Variants in NOTCH2 observed in about 807,000 individuals in gnomAD.
The protein encoded by NOTCH2 is notch receptor 2, also known as neurogenic locus notch homolog protein 2.
In NOTCH2, 29 loss-of-function variants were observed where a neutral mutation model predicts 235.8. The observed-to-expected ratio is 0.12, with a 90% confidence interval of 0.09 to 0.17. NOTCH2 has a LOEUF of 0.17. NOTCH2 is among the 10% of genes least tolerant of loss of function. The pLI is 1.00. For missense variants in NOTCH2, 2,285 were observed against 3,150.2 expected (o/e 0.73, Z 6.57); for synonymous variants, 1,086 against 1,141.5 (o/e 0.95, Z 0.98).
At chr1:119,985,857 C>T (rs1652000739) in intron 5 of NOTCH2, among the ~76,000 whole-genome samples, 1 of 151,994 alleles carries the variant, frequency 6.6e-6, no homozygotes, top group Admixed American at 6.6e-5. Flanking sequence ...ATCAAGACAC[C>T]ATGAAGAAAT....
At chr1:119,954,615 G>A (rs587642622) in intron 13 of NOTCH2, among the ~76,000 whole-genome samples, 2 of 152,310 alleles carry the variant, frequency 1.3e-5, no homozygotes, top group Admixed American at 1.3e-4. Context: ...AAAGTTGGCT[G>A]AAGCGGCCCT....
intron 22 of NOTCH2, 44 bp downstream of exon 22, chr1:119,935,428 A>G (rs781969368): frequency 2.5e-6 from 4 of 1,614,054 alleles, no homozygotes; most frequent in Non-Finnish European, 2.5e-6. Context: ...TTTATAACTT[A>G]AGACAATGCC....
chr1:119,975,861 C>T (rs1172252104), intron 5 of NOTCH2, among the ~76,000 whole-genome samples: 1 of 152,134 alleles, frequency 6.6e-6, no homozygotes, highest in African/African-American at 2.4e-5. Context: ...AGGCAAGGGC[C>T]CCACCCACAA....
chr1:119,954,988 A>AAGGTCACCAGT, intron 13 of NOTCH2, 52 bp downstream of exon 13: 1 of 1,595,614 alleles, frequency 6.3e-7, no homozygotes, highest in Admixed American at 1.7e-5. Flanking sequence ...ACTACAAGCC[A>AAGGTCACCAGT]ACTGGCTTAA....
chr1:119,948,499 A>G lies in NOTCH2; in HGVS notation c.2667T>C (p.His889=). The G allele has an allele frequency of 6.2e-7, 1 of 1,614,184 alleles. No individual in the cohort carries two copies. The highest frequency in any genetic ancestry group is 8.5e-7 in the Non-Finnish European group (1 of 1,180,022). ...SKPCMNHGLC[H]NTQGSYMCEC... Reference sequence around the variant, plus strand: ...CACACATGTAGCTGCCCTGGGTGTTATGGCAGAGACCATGGTTCATGCAGG... The same window carrying G: ...CACACATGTAGCTGCCCTGGGTGTTGTGGCAGAGACCATGGTTCATGCAGG... Residue 889 remains histidine, a synonymous_variant, in exon 17 of 34, where the codon CAT becomes CAC. Coordinates refer to ENST00000256646, the MANE Select transcript of NOTCH2 (RefSeq NM_024408.4).
At chr1:119,980,678 T>C (rs1245537157) in intron 5 of NOTCH2, among the ~76,000 whole-genome samples, 1 of 152,220 alleles carries the variant, frequency 6.6e-6, no homozygotes, top group Non-Finnish European at 1.5e-5. Context: ...CAGTTATTAA[T>C]AACCATGGTT....
At chr1:119,928,573 T>C (rs1220648292) in intron 23 of NOTCH2, among the ~76,000 whole-genome samples, 5 of 152,204 alleles carry the variant, frequency 3.3e-5, no homozygotes, top group African/African-American at 4.8e-5. Context: ...GGGGTGATAG[T>C]AGAACAACAA....
At chr1:119,956,850 A>G (rs1441676396) in intron 12 of NOTCH2, among the ~76,000 whole-genome samples, 1 of 152,176 alleles carries the variant, frequency 6.6e-6, no homozygotes, top group Non-Finnish European at 1.5e-5. Context: ...GCAGTCCACT[A>G]TGTTGATTGA....
rs1649560145 is a variant in NOTCH2, at chr1:119,928,880, A to G, written c.3892+96T>C. 5.9e-6 allele frequency: 6 copies of G among 1,018,582 alleles called. No individual in the cohort carries two copies. The South Asian group carries it at 7.7e-5, about 13-fold the overall frequency. 63.1% of individuals were successfully genotyped at this position (1,018,582 alleles called of 1,614,324 possible). A position where few individuals can be genotyped will look rare whatever the true frequency, so the allele number is the denominator to read the frequency against. ...GCTGTTGTTTTTCTTATATAAGAAA[A>G]GCTTCACTTGGGTCTGGGACAACTC... On this transcript the variant is annotated intron_variant, in intron 23 of 33. Coordinates refer to ENST00000256646, the MANE Select transcript of NOTCH2 (RefSeq NM_024408.4).
intron 5 of NOTCH2, among the ~76,000 whole-genome samples, chr1:119,985,052 C>G (rs1028537167): frequency 6.6e-6 from 1 of 152,078 alleles, no homozygotes; most frequent in South Asian, 2.1e-4. Context: ...AAACTGTGAG[C>G]AGAGAACTGC....
At chr1:119,970,762 T>C (rs1285522692) in intron 5 of NOTCH2, among the ~76,000 whole-genome samples, 9 of 152,234 alleles carry the variant, frequency 5.9e-5, no homozygotes, top group Non-Finnish European at 1.5e-5. Flanking sequence ...TGATTGGTTT[T>C]GTTTGAGGTC....
At chr1:119,944,585 A>G (rs1650188210) in intron 17 of NOTCH2, among the ~76,000 whole-genome samples, 1 of 151,776 alleles carries the variant, frequency 6.6e-6, no homozygotes, top group South Asian at 2.1e-4. Context: ...ATTATAATCA[A>G]GTTGGTAAAA....
chr1:120,024,670 G>T (rs1367206481), intron 2 of NOTCH2, among the ~76,000 whole-genome samples: 5 of 151,478 alleles, frequency 3.3e-5, no homozygotes, highest in African/African-American at 1.2e-4. Flanking sequence ...TTAAAGTGTA[G>T]TTTTTAGATC....
At chr1:120,063,580 C>T (rs1331187166) in intron 1 of NOTCH2, among the ~76,000 whole-genome samples, 3 of 152,222 alleles carry the variant, frequency 2.0e-5, no homozygotes, top group Non-Finnish European at 4.4e-5. Flanking sequence ...TATACCATAG[C>T]AGCTTTCTTC....
chr1:120,058,301 C>T (rs1230408509), intron 1 of NOTCH2, among the ~76,000 whole-genome samples: 35 of 151,616 alleles, frequency 2.3e-4, no homozygotes, highest in African/African-American at 8.2e-4. Context: ...GTCAGGAGTA[C>T]GAGACCAGCC....
At chr1:119,920,116 A>T (rs1381130466) in intron 30 of NOTCH2, 113 bp downstream of exon 30, 16 of 1,136,562 alleles carry the variant, frequency 1.4e-5, no homozygotes, top group Non-Finnish European at 2.1e-5. Flanking sequence ...GCTGATTTAG[A>T]GTCTGTGAAA....
chr1:119,921,172 C>T (rs185693316), intron 29 of NOTCH2, among the ~76,000 whole-genome samples: 16 of 152,338 alleles, frequency 1.1e-4, no homozygotes, highest in Admixed American at 5.2e-4. Flanking sequence ...CCCAGCCATG[C>T]ACAGCTGTGG....
Position 120,058,700 on chromosome 1 carries a change from G to A in NOTCH2, c.73+10634C>T, listed in dbSNP as rs1355773681. Among the ~76,000 whole-genome samples the A allele has an allele frequency of 2.1e-5, 3 of 143,908 alleles. No homozygotes were observed. In the East Asian group the frequency reaches 5.9e-4, roughly 28 times the overall value. The allele number at this position is 143,908 out of a possible 152,430, so 94.4% of individuals were successfully genotyped here. A position where few individuals can be genotyped will look rare whatever the true frequency, so the allele number is the denominator to read the frequency against. On this transcript the variant is annotated intron_variant, in intron 1 of 33. Coordinates refer to ENST00000256646, the MANE Select transcript of NOTCH2 (RefSeq NM_024408.4). Reference sequence around the variant, plus strand: ...CCAACAGAAATGTTGGAGGTTGTTTGATTCTACAGAAGTAATTTTTATATT... The same window carrying A: ...CCAACAGAAATGTTGGAGGTTGTTTAATTCTACAGAAGTAATTTTTATATT...
intron 2 of NOTCH2, among the ~76,000 whole-genome samples, chr1:120,014,991 CTTTTTT>C (rs60671945): frequency 7.9e-6 from 1 of 126,398 alleles, no homozygotes; most frequent in African/African-American, 2.8e-5. Flanking sequence ...CTGTCTTTAG[CTTTTTT>C]TTTTTTTTTT....
Sources: gnomAD v4.1 joint callset for allele counts (sites outside exome capture counted in the v4.1 genomes callset) on GRCh38, gnomAD v4.1.1 for gene constraint, MANE v1.5 for transcripts, NCBI Gene and HGNC (gene_info 2026-07-23, HGNC 2026-07-21) for gene names.